The following ASIC2 variants were observed in gnomAD, a reference collection of about 807,000 sequenced individuals.
The protein encoded by ASIC2 is acid sensing ion channel subunit 2.
A neutral mutation model predicts 57.3 loss-of-function variants in ASIC2; 25 were observed. The observed-to-expected ratio is 0.44, with a 90% confidence interval of 0.32 to 0.61. The LOEUF (loss-of-function observed/expected upper bound fraction) is 0.61. Among genes scored for constraint, ASIC2 ranks in the 20% least tolerant of loss-of-function variants. The pLI is 0.06. For synonymous variants in ASIC2, 319 were observed against 307.5 expected, an observed-to-expected ratio of 1.04 and a Z score of -0.39; for missense variants, 641 against 738.1, an observed-to-expected ratio of 0.87 and a Z score of 1.52.
At chr17:34,066,250 A>C (rs1909168268) in intron 1 of ASIC2, among the ~76,000 whole-genome samples, 1 of 152,218 alleles carries the variant, frequency 6.6e-6, no homozygotes, top group African/African-American at 2.4e-5. Flanking sequence ...TGACCAACAC[A>C]GGCAATGGTC....
intron 1 of ASIC2, among the ~76,000 whole-genome samples, chr17:34,151,198 C>A (rs1165050086): frequency 6.6e-6 from 1 of 151,568 alleles, no homozygotes; most frequent in Non-Finnish European, 1.5e-5. Context: ...AGTAACTATT[C>A]AATTAGCAAG....
chr17:33,757,196 G>A (rs1910630275), intron 1 of ASIC2, among the ~76,000 whole-genome samples: 1 of 152,218 alleles, frequency 6.6e-6, no homozygotes, highest in Non-Finnish European at 1.5e-5. Flanking sequence ...AGAACGAGGA[G>A]TGAGATTCTG....
chr17:33,442,097 G>C (rs1285983170), intron 1 of ASIC2, among the ~76,000 whole-genome samples: 2 of 152,118 alleles, frequency 1.3e-5, no homozygotes, highest in Non-Finnish European at 2.9e-5. Flanking sequence ...CAAAATGAAA[G>C]GATTAATTTG....
chr17:33,093,013 C>T (rs1265764129), intron 2 of ASIC2, among the ~76,000 whole-genome samples: 3 of 152,162 alleles, frequency 2.0e-5, no homozygotes, highest in Admixed American at 2.0e-4. Flanking sequence ...TTCAGGAGGG[C>T]TCACCTGCTG....
chr17:33,587,051 A>G (rs950603897), intron 1 of ASIC2, among the ~76,000 whole-genome samples: 1 of 152,196 alleles, frequency 6.6e-6, no homozygotes, highest in African/African-American at 2.4e-5. Flanking sequence ...ATGGCTCATG[A>G]ACCAAATCCA....
At chr17:33,190,416 C>T (rs976321762) in intron 1 of ASIC2, among the ~76,000 whole-genome samples, 3 of 152,016 alleles carry the variant, frequency 2.0e-5, no homozygotes, top group African/African-American at 7.2e-5. Context: ...CAGAGAAATG[C>T]CATGCTATTG....
intron 1 of ASIC2, among the ~76,000 whole-genome samples, chr17:33,427,394 T>C (rs1417331189): frequency 2.0e-5 from 3 of 152,216 alleles, no homozygotes; most frequent in East Asian, 3.8e-4. Flanking sequence ...GTATCCATTA[T>C]AGTTAAAAAG....
intron 1 of ASIC2, among the ~76,000 whole-genome samples, chr17:34,035,992 T>A (rs11650446): frequency 0.13 from 19,046 of 150,752 alleles, 1,278 homozygotes; most frequent in Admixed American, 0.18. Flanking sequence ...TCAGAGATCT[T>A]GAACTAGAAA....
At chr17:33,979,068 G>A (rs148848151) in intron 1 of ASIC2, among the ~76,000 whole-genome samples, 1 of 152,060 alleles carries the variant, frequency 6.6e-6, no homozygotes, top group Non-Finnish European at 1.5e-5. Flanking sequence ...CCAGGGCCTT[G>A]GTCCCTCCCA....
chr17:34,091,481 G>A (rs965948139), intron 1 of ASIC2, among the ~76,000 whole-genome samples: 13 of 152,186 alleles, frequency 8.5e-5, no homozygotes, highest in African/African-American at 2.4e-4. Context: ...GGGGTTACCC[G>A]GCATCTCCCC....
At chr17:33,310,989 C>G (rs1186688834) in intron 1 of ASIC2, among the ~76,000 whole-genome samples, 1 of 152,142 alleles carries the variant, frequency 6.6e-6, no homozygotes, top group Non-Finnish European at 1.5e-5. Context: ...GTTAGAGATG[C>G]AGACCTAGGT....
At chr17:33,889,180 GA>G (rs1914900858) in intron 1 of ASIC2, among the ~76,000 whole-genome samples, 1 of 152,154 alleles carries the variant, frequency 6.6e-6, no homozygotes, top group South Asian at 2.1e-4. Flanking sequence ...TGGAATTGGA[GA>G]CTGATAAATT....
intron 1 of ASIC2, among the ~76,000 whole-genome samples, chr17:33,276,451 T>C (rs1023238420): frequency 3.3e-5 from 5 of 152,184 alleles, no homozygotes; most frequent in Admixed American, 6.5e-5. Context: ...AATTGAAGAC[T>C]TTCTCGCTCC....
chr17:33,535,497 C>A (rs879865576), intron 1 of ASIC2, among the ~76,000 whole-genome samples: 1 of 151,934 alleles, frequency 6.6e-6, no homozygotes, highest in Non-Finnish European at 1.5e-5. Context: ...AGGATGGTCT[C>A]AATCTCCTGC....
intron 1 of ASIC2, among the ~76,000 whole-genome samples, chr17:34,008,446 G>A (rs1343109792): frequency 6.6e-6 from 1 of 152,200 alleles, no homozygotes; most frequent in Non-Finnish European, 1.5e-5. Context: ...GAATCTTAGA[G>A]TGATTCTAGG....
At chr17:33,140,157 C>A (rs2092381894) in intron 1 of ASIC2, among the ~76,000 whole-genome samples, 1 of 152,188 alleles carries the variant, frequency 6.6e-6, no homozygotes, top group South Asian at 2.1e-4. Context: ...AAATAAGCTT[C>A]TCAGGTGAGT....
chr17:33,092,467 A>G (rs1404552215), intron 2 of ASIC2, among the ~76,000 whole-genome samples: 1 of 152,250 alleles, frequency 6.6e-6, no homozygotes, highest in Non-Finnish European at 1.5e-5. Context: ...CTAGAATGCA[A>G]GTTAAAATCT....
intron 2 of ASIC2, among the ~76,000 whole-genome samples, chr17:33,103,592 A>G (rs2092223374): frequency 6.6e-6 from 1 of 152,156 alleles, no homozygotes; most frequent in South Asian, 2.1e-4. Context: ...GGCACTCCTC[A>G]AGGGACTTCA....
intron 1 of ASIC2, among the ~76,000 whole-genome samples, chr17:34,114,838 C>G (rs952651078): frequency 6.6e-6 from 1 of 152,152 alleles, no homozygotes; most frequent in Non-Finnish European, 1.5e-5. Flanking sequence ...GACATAAGGT[C>G]AGGAGGCAGG....
Sources: gnomAD v4.1 joint callset for allele counts (sites outside exome capture counted in the v4.1 genomes callset) on GRCh38, gnomAD v4.1.1 for gene constraint, MANE v1.5 for transcripts, NCBI Gene and HGNC (gene_info 2026-07-23, HGNC 2026-07-21) for gene names.